The following IQSEC3 variants were observed in gnomAD, a reference collection of about 807,000 sequenced individuals.
IQSEC3 encodes IQ motif and Sec7 domain ArfGEF 3.
Under a neutral mutation model 105.4 loss-of-function variants are expected in IQSEC3, and 50 were observed. That is an observed-to-expected ratio of 0.47 (90% CI 0.38 to 0.60). The LOEUF (loss-of-function observed/expected upper bound fraction) is 0.60, where lower values mean the gene tolerates loss of function less well. IQSEC3 is among the 20% of genes least tolerant of loss of function. The probability of loss-of-function intolerance (pLI) is 0.00; values close to 1 mark genes in which losing one functional copy is unlikely to be tolerated. For missense variants in IQSEC3, 1,415 were observed against 1,630.0 expected, an observed-to-expected ratio of 0.87 and a Z score of 2.27; for synonymous variants, 708 against 746.0, an observed-to-expected ratio of 0.95 and a Z score of 0.83.
intron 5 of IQSEC3, chr12:143,281 C>G (rs964468237): frequency 1.7e-4 from 26 of 152,752 alleles, no homozygotes; most frequent in Non-Finnish European, 3.8e-4. Context: ...GGCCAGACTC[C>G]CGCGTTGGTA....
intron 1 of IQSEC3, among the ~76,000 whole-genome samples, chr12:78,409 G>A (rs1555069923): frequency 6.6e-6 from 1 of 151,934 alleles, no homozygotes; most frequent in African/African-American, 2.4e-5. Flanking sequence ...AGGCGGGGGC[G>A]GCTAGGAGGG....
intron 2 of IQSEC3, among the ~76,000 whole-genome samples, chr12:105,053 A>G (rs926931919): frequency 6.6e-6 from 1 of 152,242 alleles, no homozygotes; most frequent in South Asian, 2.1e-4. Flanking sequence ...GTCGGGCGGT[A>G]CAGCCGCGTC....
At chr12:78,679 C>G (rs1400309121) in intron 1 of IQSEC3, among the ~76,000 whole-genome samples, 4 of 152,130 alleles carry the variant, frequency 2.6e-5, no homozygotes, top group African/African-American at 4.8e-5. Flanking sequence ...CTCAGTCGTT[C>G]ACTAGCTGTG....
chr12:129,224 C>T (rs1865512020), intron 3 of IQSEC3, among the ~76,000 whole-genome samples: 1 of 152,214 alleles, frequency 6.6e-6, no homozygotes, highest in Non-Finnish European at 1.5e-5. Context: ...GCTCGGGACA[C>T]CTCCAGGGTG....
At chr12:102,054 C>T (rs1489891794) in intron 2 of IQSEC3, among the ~76,000 whole-genome samples, 2 of 152,056 alleles carry the variant, frequency 1.3e-5, no homozygotes, top group African/African-American at 4.8e-5. Flanking sequence ...CTGGTATGGA[C>T]TCTGGAGCTC....
chr12:157,419 T>C, intron 6 of IQSEC3, 109 bp from the exon 7 acceptor site: 2 of 1,284,510 alleles, frequency 1.6e-6, no homozygotes, highest in Middle Eastern at 2.7e-4. Flanking sequence ...TCCCTGGACC[T>C]AAAGCCTTCG....
intron 1 of IQSEC3, among the ~76,000 whole-genome samples, chr12:81,227 C>T (rs1863735055): frequency 6.6e-6 from 1 of 152,150 alleles, no homozygotes; most frequent in African/African-American, 2.4e-5. Context: ...AAGAATTTTC[C>T]TGCCAGAAAT....
chr12:80,564 T>C (rs1863709883), intron 1 of IQSEC3, among the ~76,000 whole-genome samples: 1 of 152,244 alleles, frequency 6.6e-6, no homozygotes, highest in South Asian at 2.1e-4. Flanking sequence ...TATATTTTCC[T>C]GGCATCTGTA....
intron 1 of IQSEC3, among the ~76,000 whole-genome samples, chr12:92,430 G>A (rs1864116767): frequency 6.7e-6 from 1 of 148,618 alleles, no homozygotes; most frequent in East Asian, 2.0e-4. Context: ...AGACTTGTGT[G>A]TCACAGGGGC....
At chr12:167,041 A>G (rs1204193926) in intron 11 of IQSEC3, 1 of 152,166 alleles carries the variant, frequency 6.6e-6, no homozygotes, top group East Asian at 1.9e-4. Flanking sequence ...ACCAGGGTAA[A>G]ATGGGATCCA....
chr12:98,166 A>C (rs1257335668), intron 1 of IQSEC3, among the ~76,000 whole-genome samples: 1 of 152,246 alleles, frequency 6.6e-6, no homozygotes, highest in African/African-American at 2.4e-5. Context: ...AAGGAAGAGA[A>C]GGCAATGGGT....
At chr12:104,620 G>C (rs1247731028) in intron 2 of IQSEC3, among the ~76,000 whole-genome samples, 1 of 152,162 alleles carries the variant, frequency 6.6e-6, no homozygotes, top group Non-Finnish European at 1.5e-5. Context: ...CGCCCCCTTA[G>C]AGGCCTCCTA....
Position 139,353 on chromosome 12 carries a change from A to C in IQSEC3, c.1990A>C (p.Ile664Leu). ...LYRIGLNLFN[I>L]NPDKGIQFLI... is the part of the protein sequence containing the mutation. ...CCGCATCGGCCTCAACCTCTTCAAC[A>C]TGTAAGTCAGCCCCGGCCCCCAGCC... Residue 664 changes from isoleucine (I) to leucine (L), a missense_variant and splice_region_variant, in exon 4 of 14, where the codon ATA becomes CTA. Ile to Leu is a conservative substitution (Grantham distance 5). Transcript: ENST00000538872. 3 of 1,549,830 alleles carry C rather than the reference A, an allele frequency of 1.9e-6. No individual in the cohort carries two copies.
intron 2 of IQSEC3, among the ~76,000 whole-genome samples, chr12:107,698 C>G (rs1404123579): frequency 6.6e-6 from 1 of 152,138 alleles, no homozygotes; most frequent in African/African-American, 2.4e-5. Context: ...GCGTGAGCCA[C>G]CGCGCCCGGC....
intron 5 of IQSEC3, among the ~76,000 whole-genome samples, chr12:153,542 G>A (rs1311706029): frequency 2.6e-5 from 4 of 152,304 alleles, no homozygotes; most frequent in African/African-American, 9.6e-5. Context: ...CTTCCAGCTA[G>A]GGATTTCACA....
intron 3 of IQSEC3, among the ~76,000 whole-genome samples, chr12:133,300 G>C (rs1327650046): frequency 6.6e-6 from 1 of 152,252 alleles, no homozygotes; most frequent in Non-Finnish European, 1.5e-5. Context: ...AACGTGTGGA[G>C]ACTGGCAGTG....
chr12:125,930 G>C lies in IQSEC3; in HGVS notation c.903+18G>C, dbSNP rs1292894157. On this transcript the variant is annotated intron_variant, in intron 3 of 13. Coordinates refer to ENST00000538872, the MANE Select transcript of IQSEC3 (RefSeq NM_001170738.2). ...ATAAACAGGTACCCAGGGCCTCCTA[G>C]GGGGGCGGGGAGGGTGGTGAAGGGG... 6.6e-7 allele frequency: 1 copy of C among 1,524,152 alleles called. No homozygotes were observed. The highest frequency in any genetic ancestry group is 8.8e-7 in the Non-Finnish European group (1 of 1,142,164). The allele number at this position is 1,524,152 out of a possible 1,614,324, so 94.4% of individuals were successfully genotyped here. A position where few individuals can be genotyped will look rare whatever the true frequency, so the allele number is the denominator to read the frequency against.
chr12:154,364 C>T (rs7306789), intron 5 of IQSEC3, among the ~76,000 whole-genome samples: 15,244 of 152,266 alleles, frequency 0.1, 1,041 homozygotes, highest in African/African-American at 0.2. Context: ...CTCCCAGCAC[C>T]CCCACCATTG....
chr12:92,493 G>A (rs1565389402), intron 1 of IQSEC3, among the ~76,000 whole-genome samples: 1 of 152,268 alleles, frequency 6.6e-6, no homozygotes, highest in East Asian at 1.9e-4. Context: ...GGGGCTGTAT[G>A]GTTCCAAAGG....
Sources: gnomAD v4.1 joint callset for allele counts (sites outside exome capture counted in the v4.1 genomes callset) on GRCh38, gnomAD v4.1.1 for gene constraint, MANE v1.5 for transcripts, NCBI Gene and HGNC (gene_info 2026-07-23, HGNC 2026-07-21) for gene names.